Variants in MYO9A observed in about 807,000 individuals in gnomAD.
MYO9A encodes the protein unconventional myosin-IXa.
A neutral mutation model predicts 293.3 loss-of-function variants in MYO9A; 103 were observed. The observed-to-expected ratio is 0.35, with a 90% CI of 0.30 to 0.41. The LOEUF (loss-of-function observed/expected upper bound fraction) is 0.41. Among genes scored for constraint, MYO9A ranks in the 10% least tolerant of loss-of-function variants. The pLI, the probability that MYO9A is intolerant of heterozygous loss-of-function variation, is 1.00. For missense variants in MYO9A, 2,685 were observed against 3,033.0 expected, an observed-to-expected ratio of 0.89 and a Z score of 2.69; for synonymous variants, 1,001 against 1,035.7, an observed-to-expected ratio of 0.97 and a Z score of 0.64.
chr15:72,106,136 G>A (rs1303274842), intron 1 of MYO9A, among the ~76,000 whole-genome samples: 1 of 152,074 alleles, frequency 6.6e-6, no homozygotes, highest in Admixed American at 6.6e-5. Context: ...TACAAAAATG[G>A]TTACGTATAG....
chr15:71,879,882 AAAG>A, intron 29 of MYO9A, 45 bp from the exon 30 acceptor site: 1 of 1,290,720 alleles, frequency 7.7e-7, no homozygotes, highest in Non-Finnish European at 1.1e-6. Flanking sequence ...AACTAATTGA[AAAG>A]AAGTAAATAC....
chr15:71,912,208 A>G (rs1415199270), intron 19 of MYO9A, among the ~76,000 whole-genome samples: 2 of 151,954 alleles, frequency 1.3e-5, no homozygotes, highest in Non-Finnish European at 2.9e-5. Flanking sequence ...CTACCTCACA[A>G]TATACTATTA....
chr15:72,101,530 C>T (rs1365459343), intron 1 of MYO9A, among the ~76,000 whole-genome samples: 2 of 128,814 alleles, frequency 1.6e-5, no homozygotes, highest in African/African-American at 2.9e-5. Flanking sequence ...GTCAGCCCCC[C>T]GCCCGGCCAG....
intron 22 of MYO9A, 102 bp downstream of exon 22, chr15:71,902,839 T>C (rs572673617): frequency 3.2e-6 from 3 of 943,526 alleles, no homozygotes; most frequent in African/African-American, 3.4e-5. Context: ...TCTTCTGATA[T>C]CTGATTCACT....
At chr15:72,101,024 G>A (rs1417989179) in intron 1 of MYO9A, among the ~76,000 whole-genome samples, 1 of 138,402 alleles carries the variant, frequency 7.2e-6, no homozygotes, top group Admixed American at 7.0e-5. Context: ...AGGTAGGCGG[G>A]TCAGCCCCCC....
intron 6 of MYO9A, among the ~76,000 whole-genome samples, chr15:72,014,760 AAGAAAGAAAG>A (rs1240378965): frequency 6.8e-6 from 1 of 148,122 alleles, no homozygotes; most frequent in Non-Finnish European, 1.5e-5. Context: ...GAAAGAAAGA[AAGAAAGAAAG>A]AGAAAGAAAG....
chr15:72,059,716 G>A (rs1246715956), intron 1 of MYO9A, among the ~76,000 whole-genome samples: 2 of 152,120 alleles, frequency 1.3e-5, no homozygotes, highest in Non-Finnish European at 2.9e-5. Context: ...CCTCTCACTT[G>A]AACCCAAACC....
At chr15:72,015,983 C>G (rs2077326518) in intron 6 of MYO9A, among the ~76,000 whole-genome samples, 1 of 152,040 alleles carries the variant, frequency 6.6e-6, no homozygotes, top group African/African-American at 2.4e-5. Flanking sequence ...CCACTGCGCC[C>G]AGCCTCAGAT....
chr15:71,889,180 G>C lies in MYO9A; in HGVS notation c.5143-1064C>G, dbSNP rs559517755. Reference sequence around the variant, plus strand: ...AAAGATAGAACTCTAGAGATCTACAGAAGGTCCACATTGAATGTTCAGCTT... The same window carrying C: ...AAAGATAGAACTCTAGAGATCTACACAAGGTCCACATTGAATGTTCAGCTT... On this transcript the variant is annotated intron_variant, in intron 26 of 41. Coordinates refer to ENST00000356056, the MANE Select transcript of MYO9A (RefSeq NM_006901.4). Among the ~76,000 whole-genome samples, 7 of 152,148 alleles carry C rather than the reference G, an allele frequency of 4.6e-5. No homozygotes were observed. The East Asian group carries it at 1.2e-3, about 25-fold the overall frequency.
intron 30 of MYO9A, 99 bp from the exon 31 acceptor site, chr15:71,878,330 A>G (rs2056757956): frequency 1.2e-6 from 1 of 825,114 alleles, no homozygotes. Flanking sequence ...TAGAATAAAG[A>G]TTAGGATCCT....
intron 18 of MYO9A, among the ~76,000 whole-genome samples, chr15:71,928,887 G>T (rs1364824967): frequency 7.1e-6 from 1 of 140,760 alleles, no homozygotes; most frequent in Non-Finnish European, 1.5e-5. Flanking sequence ...AGAGAAAGAA[G>T]ATTCCATCTC....
chr15:72,107,827 A>G (rs2080629288), intron 1 of MYO9A, among the ~76,000 whole-genome samples: 2 of 148,030 alleles, frequency 1.4e-5, no homozygotes, highest in South Asian at 4.2e-4. Flanking sequence ...GCAAATGACT[A>G]TAATACAACA....
chr15:71,828,100 C>T lies in MYO9A; in HGVS notation c.7041-74G>A, dbSNP rs370205766. On this transcript the variant is annotated intron_variant, in intron 40 of 41. Coordinates refer to ENST00000356056, the MANE Select transcript of MYO9A (RefSeq NM_006901.4). ...GAAGATAACAGAAAAAAAGATCCTC[C>T]ATGGAAGTCAGGAATCTAAGAAGCA... The T allele has an allele frequency of 3.3e-5, 50 of 1,507,428 alleles. No individual in the cohort carries two copies. The East Asian group carries it at 1.1e-3, about 34-fold the overall frequency. The allele number at this position is 1,507,428 out of a possible 1,614,324, so 93.4% of individuals were successfully genotyped here.
chr15:71,904,151 G>C (rs2057562030), intron 20 of MYO9A, 112 bp from the exon 21 acceptor site: 1 of 836,498 alleles, frequency 1.2e-6, no homozygotes, highest in South Asian at 1.6e-5. Flanking sequence ...AGGTTGTCTG[G>C]TTAACATATA....
At position 71,839,819 on chromosome 15, in the gene MYO9A, A is replaced by G. The variant is rs183282222; in HGVS notation, c.6837+9026T>C. Among the ~76,000 whole-genome samples the G allele has an allele frequency of 9.4e-4, 142 of 151,612 alleles. 1 individual carries two copies. The highest frequency in any genetic ancestry group is 3.4e-3 in the Middle Eastern group (1 of 294). ...AATGCCACTCACATTATAATCCTTT[A>G]TTTTTCTCTTTTAGAATTTTCCTAT... On this transcript the variant is annotated intron_variant, in intron 39 of 41. Coordinates refer to ENST00000356056, the MANE Select transcript of MYO9A (RefSeq NM_006901.4).
At position 72,117,907 on chromosome 15, in the gene MYO9A, C is replaced by G. The variant is rs984783115; in HGVS notation, c.-299G>C. ...GCCCGGCCTGAGCAGGCACATCCCCCGCCGCACCCCGCCCAGAGAGCACGC... is the reference window on the plus strand; with the variant it reads ...GCCCGGCCTGAGCAGGCACATCCCCGGCCGCACCCCGCCCAGAGAGCACGC... On this transcript the variant is annotated 5_prime_UTR_variant, in exon 1 of 42. Transcript: ENST00000356056. 3 of 398,496 alleles carry G rather than the reference C, an allele frequency of 7.5e-6. No individual in the cohort carries two copies. The highest frequency in any genetic ancestry group is 4.4e-5 in the Admixed American group (1 of 22,704). 24.7% of individuals were successfully genotyped at this position (398,496 alleles called of 1,614,324 possible).
At chr15:71,880,619 C>A in intron 28 of MYO9A, 61 bp from the exon 29 acceptor site, 1 of 1,392,860 alleles carries the variant, frequency 7.2e-7, no homozygotes. Context: ...ATAATCTTCA[C>A]ATCCTTCTTT....
At chr15:71,827,366 C>G (rs1016172391) in intron 41 of MYO9A, among the ~76,000 whole-genome samples, 2 of 151,592 alleles carry the variant, frequency 1.3e-5, no homozygotes, top group Non-Finnish European at 2.9e-5. Flanking sequence ...TTAAACACCT[C>G]CTTTGTATAT....
rs2054407721 is a variant in MYO9A at position 71,824,916 on chromosome 15, G to A, written c.*1664C>T. On this transcript the variant is annotated 3_prime_UTR_variant, in exon 42 of 42. Coordinates refer to ENST00000356056, the MANE Select transcript of MYO9A (RefSeq NM_006901.4). ...GCGTGAGGTTCAGTGTTGTGTAACA[G>A]GAGAGAGAGACTCTGCCTTAACAAA... 6.6e-6 allele frequency: 1 copy of A among 152,132 alleles called. No homozygotes were observed. Among genetic ancestry groups the A allele is most frequent in the Non-Finnish European group, 1.5e-5 (1 of 68,030 alleles). The allele number at this position is 152,132 out of a possible 1,614,324, so 9.4% of individuals were successfully genotyped here.
Sources: allele counts gnomAD v4.1 joint callset (sites outside exome capture counted in the v4.1 genomes callset), GRCh38; gene constraint gnomAD v4.1.1; transcripts MANE v1.5; gene names NCBI Gene and HGNC (gene_info 2026-07-23, HGNC 2026-07-21).